Variants in DROSHA observed in about 807,000 individuals in gnomAD.
DROSHA encodes the protein ribonuclease 3.
A neutral mutation model predicts 181.9 loss-of-function variants in DROSHA; 56 were observed. The observed-to-expected ratio is 0.31, with a 90% CI of 0.25 to 0.38. The LOEUF is 0.38. Among genes scored for constraint, DROSHA ranks in the 10% least tolerant of loss-of-function variants. The pLI, the probability that DROSHA is intolerant of heterozygous loss-of-function variation, is 1.00. For missense variants in DROSHA, 1,218 were observed against 1,743.5 expected (o/e 0.70, Z 5.37); for synonymous variants, 524 against 591.2 (o/e 0.89, Z 1.65).
Position 31,403,417 on chromosome 5 carries a change from A to G in DROSHA, c.3995-1855T>C, listed in dbSNP as rs181047361. On this transcript the variant is annotated intron_variant, in intron 35 of 35. Transcript: ENST00000344624. The stretch of plus-strand genomic sequence containing the variant: ...AATGTGTATATACATACATATATAC[A>G]TATATATACACACACACACATACAC... Among the ~76,000 whole-genome samples, 96 of 138,686 alleles carry G rather than the reference A, an allele frequency of 6.9e-4. No individual in the cohort carries two copies. The East Asian group carries it at 0.026, about 37-fold the overall frequency. The allele number at this position is 138,686 out of a possible 152,430, so 91.0% of individuals were successfully genotyped here.
chr5:31,460,721 G>T (rs1222958566), intron 20 of DROSHA, among the ~76,000 whole-genome samples: 1 of 152,066 alleles, frequency 6.6e-6, no homozygotes, highest in Non-Finnish European at 1.5e-5. Flanking sequence ...TCACTTAACT[G>T]CTATTTCCCA....
rs766310613 is a variant in DROSHA, at chr5:31,511,120, C to T, written c.1347G>A (p.Glu449=). ...SRLRDLYDKF[E]EELGSRQEKA... is the part of the protein sequence containing the mutation. ...TTTCTTGCCTGCTCCCCAACTCCTC[C>T]TCAAATTTGTCATATAAGTCACGAA... The change falls in exon 9 of 36, where the codon GAG becomes GAA. Residue 449 remains glutamate, a synonymous_variant. Coordinates refer to ENST00000344624, the MANE Select transcript of DROSHA (RefSeq NM_001382508.1). 4.6e-5 allele frequency: 75 copies of T among 1,613,904 alleles called. No homozygotes were observed. Among genetic ancestry groups the T allele is most frequent in the Non-Finnish European group, 6.1e-5 (72 of 1,179,868 alleles).
At chr5:31,416,636 AG>A (rs1741984968) in intron 30 of DROSHA, among the ~76,000 whole-genome samples, 1 of 152,188 alleles carries the variant, frequency 6.6e-6, no homozygotes, top group South Asian at 2.1e-4. Context: ...GGCACATAAA[AG>A]TAAGGGCTAG....
In DROSHA at chr5:31,431,538, T is replaced by C. The variant is rs1231299247; in HGVS notation, c.3145+38A>G. On this transcript the variant is annotated intron_variant, in intron 26 of 35. Transcript: ENST00000344624. ...ATGTGCTCTCCAGACTGTTTAGACA[T>C]GCAAGAAAGTAGACTTCTTGAAGAA... 3 of 1,601,602 alleles carry C rather than the reference T, an allele frequency of 1.9e-6. No homozygotes were observed. In the South Asian group the frequency reaches 3.3e-5, roughly 18 times the overall value.
At chr5:31,525,988 A>G in intron 5 of DROSHA, 91 bp downstream of exon 5, 2 of 1,213,802 alleles carry the variant, frequency 1.6e-6, no homozygotes, top group East Asian at 2.4e-5. Context: ...AAGATGCCCT[A>G]CTGGATCCTT....
intron 4 of DROSHA, among the ~76,000 whole-genome samples, chr5:31,528,324 C>T (rs1015043148): frequency 6.6e-6 from 1 of 152,126 alleles, no homozygotes; most frequent in Non-Finnish European, 1.5e-5. Flanking sequence ...GTCTCACTGA[C>T]CTGGACCAAC....
At chr5:31,493,984 T>TGTGTGTGTGTGTGTGTG (rs1580291589) in intron 12 of DROSHA, among the ~76,000 whole-genome samples, 1 of 150,084 alleles carries the variant, frequency 6.7e-6, no homozygotes, top group African/African-American at 2.5e-5. Context: ...TGTGTGTGTG[T>TGTGTGTGTGTGTGTGTG]TTGAGATGAA....
intron 35 of DROSHA, among the ~76,000 whole-genome samples, chr5:31,402,802 A>T (rs576994462): frequency 2.6e-5 from 4 of 152,150 alleles, no homozygotes; most frequent in East Asian, 1.9e-4. Context: ...TTATTTATTT[A>T]TTATTTATTT....
At chr5:31,412,464 A>G (rs545747622) in intron 30 of DROSHA, among the ~76,000 whole-genome samples, 1 of 152,306 alleles carries the variant, frequency 6.6e-6, no homozygotes, top group African/African-American at 2.4e-5. Context: ...CTGTGGCTCC[A>G]TGGTGTCAAC....
intron 35 of DROSHA, among the ~76,000 whole-genome samples, chr5:31,404,688 A>C (rs143415472): frequency 1.4e-4 from 22 of 152,334 alleles, no homozygotes; most frequent in African/African-American, 5.1e-4. Flanking sequence ...AAGACTATGC[A>C]GTTTCCTACA....
chr5:31,517,498 C>T lies in DROSHA; in HGVS notation c.948-1934G>A, dbSNP rs1287972645. Among the ~76,000 whole-genome samples the T allele has an allele frequency of 2.0e-5, 3 of 152,230 alleles. No individual in the cohort carries two copies. The East Asian group carries it at 5.8e-4, about 29-fold the overall frequency. Reference sequence around the variant, plus strand: ...ATCTCAATTTTTCCTCCAAATGGCTCACCAATTGCCAGTTTCTCCTCTGAT... The same window carrying T: ...ATCTCAATTTTTCCTCCAAATGGCTTACCAATTGCCAGTTTCTCCTCTGAT... On this transcript the variant is annotated intron_variant, in intron 6 of 35. Coordinates refer to ENST00000344624, the MANE Select transcript of DROSHA (RefSeq NM_001382508.1).
intron 23 of DROSHA, among the ~76,000 whole-genome samples, chr5:31,440,959 T>C (rs1271416192): frequency 1.3e-5 from 2 of 152,042 alleles, no homozygotes; most frequent in South Asian, 2.1e-4. Flanking sequence ...TATGCAAATA[T>C]TCCAAAATCC....
intron 20 of DROSHA, among the ~76,000 whole-genome samples, chr5:31,458,130 G>C (rs917615714): frequency 6.6e-6 from 1 of 152,126 alleles, no homozygotes; most frequent in Non-Finnish European, 1.5e-5. Flanking sequence ...TATTAATTCA[G>C]TATGCTTCTT....
chr5:31,423,881 T>C (rs1347522137), intron 28 of DROSHA, among the ~76,000 whole-genome samples: 1 of 152,216 alleles, frequency 6.6e-6, no homozygotes, highest in East Asian at 1.9e-4. Flanking sequence ...CACCACCATA[T>C]GTAGAGCTTT....
chr5:31,408,366 C>A lies in DROSHA; in HGVS notation c.3854+690G>T, dbSNP rs899683161. On this transcript the variant is annotated intron_variant, in intron 33 of 35. Transcript: ENST00000344624. Reference sequence around the variant, plus strand: ...GATGCAACCCACCTATTTCAATAATCCTTTCATTTTGTAATTCCACTTTGA... The same window carrying A: ...GATGCAACCCACCTATTTCAATAATACTTTCATTTTGTAATTCCACTTTGA... Among the ~76,000 whole-genome samples the A allele has an allele frequency of 2.7e-4, 41 of 152,164 alleles. 1 individual carries two copies.
chr5:31,441,487 T>C (rs1311684141), intron 23 of DROSHA, among the ~76,000 whole-genome samples: 1 of 152,204 alleles, frequency 6.6e-6, no homozygotes, highest in Admixed American at 6.5e-5. Context: ...AGGACTTTTT[T>C]TTGTCGCTAC....
chr5:31,444,669 T>C (rs897240810), intron 23 of DROSHA, among the ~76,000 whole-genome samples: 3 of 152,184 alleles, frequency 2.0e-5, no homozygotes, highest in Non-Finnish European at 2.9e-5. Flanking sequence ...TATGGGTATA[T>C]AGAATTCTAC....
At chr5:31,482,022 T>C (rs1037383754) in intron 16 of DROSHA, among the ~76,000 whole-genome samples, 2 of 152,208 alleles carry the variant, frequency 1.3e-5, no homozygotes, top group Non-Finnish European at 2.9e-5. Context: ...ACAGGCTCAC[T>C]GCAGGGCTCT....
chr5:31,438,882 G>C (rs1268131884), intron 23 of DROSHA, among the ~76,000 whole-genome samples: 1 of 152,036 alleles, frequency 6.6e-6, no homozygotes, highest in Non-Finnish European at 1.5e-5. Context: ...AGGGAGGTAG[G>C]AGGAAAACGA....
Sources: gnomAD v4.1 joint callset for allele counts (sites outside exome capture counted in the v4.1 genomes callset) on GRCh38, gnomAD v4.1.1 for gene constraint, MANE v1.5 for transcripts, NCBI Gene and HGNC (gene_info 2026-07-23, HGNC 2026-07-21) for gene names.